The following AK5 variants were observed in gnomAD, a reference collection of about 807,000 sequenced individuals.
AK5 encodes adenylate kinase isoenzyme 5.
In AK5, 27 loss-of-function variants were observed where a neutral mutation model predicts 69.5. That is an observed-to-expected ratio of 0.39 (90% confidence interval 0.29 to 0.54). The LOEUF (loss-of-function observed/expected upper bound fraction) is 0.54. Among genes scored for constraint, AK5 ranks in the 20% least tolerant of loss-of-function variants. The probability of loss-of-function intolerance (pLI) is 0.71; values close to 1 mark genes in which losing one functional copy is unlikely to be tolerated. For synonymous variants in AK5, 260 were observed against 244.4 expected (o/e 1.06, Z -0.60); for missense variants, 531 against 700.4 (o/e 0.76, Z 2.73).
At chr1:77,359,910 G>A (rs1429270526) in intron 6 of AK5, among the ~76,000 whole-genome samples, 1 of 152,140 alleles carries the variant, frequency 6.6e-6, no homozygotes, top group Admixed American at 6.5e-5. Flanking sequence ...TCAGAGCCGG[G>A]AATTGAATTA....
At chr1:77,381,367 G>A (rs1570473599) in intron 6 of AK5, among the ~76,000 whole-genome samples, 1 of 152,090 alleles carries the variant, frequency 6.6e-6, no homozygotes, top group African/African-American at 2.4e-5. Flanking sequence ...TGTTTGTAAC[G>A]GACCTAATCT....
intron 8 of AK5, among the ~76,000 whole-genome samples, chr1:77,447,902 T>G (rs1570149768): frequency 6.6e-6 from 1 of 152,118 alleles, no homozygotes; most frequent in East Asian, 1.9e-4. Context: ...TATGCAAACT[T>G]AAATGTGGGT....
intron 10 of AK5, among the ~76,000 whole-genome samples, chr1:77,491,045 C>G (rs999304921): frequency 6.6e-6 from 1 of 152,092 alleles, no homozygotes; most frequent in Non-Finnish European, 1.5e-5. Context: ...GTCTGGGACA[C>G]ACGTGGCCTG....
chr1:77,482,508 C>T (rs944719759), intron 8 of AK5, among the ~76,000 whole-genome samples: 1 of 152,248 alleles, frequency 6.6e-6, no homozygotes, highest in East Asian at 1.9e-4. Context: ...CACGGTGGCT[C>T]ATGTCTGTAA....
At chr1:77,470,623 A>C (rs1654400595) in intron 8 of AK5, among the ~76,000 whole-genome samples, 1 of 151,952 alleles carries the variant, frequency 6.6e-6, no homozygotes, top group South Asian at 2.1e-4. Context: ...ATTTTATTTA[A>C]GTGTCTTTGT....
intron 6 of AK5, among the ~76,000 whole-genome samples, chr1:77,404,028 G>A (rs903801664): frequency 5.3e-5 from 8 of 152,248 alleles, no homozygotes; most frequent in Admixed American, 5.2e-4. Context: ...CTCGTAAGTT[G>A]GATTCCTAGG....
intron 10 of AK5, among the ~76,000 whole-genome samples, chr1:77,494,167 C>G (rs1204880533): frequency 6.6e-6 from 1 of 152,208 alleles, no homozygotes; most frequent in East Asian, 1.9e-4. Context: ...CATTGTGTCC[C>G]TACCCATTGG....
intron 5 of AK5, among the ~76,000 whole-genome samples, chr1:77,324,827 C>T (rs1660713727): frequency 6.6e-6 from 1 of 152,124 alleles, no homozygotes; most frequent in Non-Finnish European, 1.5e-5. Flanking sequence ...TTCATGTATT[C>T]TGCAGATCGT....
At chr1:77,475,994 T>G (rs568752878) in intron 8 of AK5, among the ~76,000 whole-genome samples, 1 of 152,294 alleles carries the variant, frequency 6.6e-6, no homozygotes, top group South Asian at 2.1e-4. Context: ...AATTTCTTAT[T>G]AGAGACACTA....
chr1:77,282,145 G>A lies in AK5; in HGVS notation c.-169G>A, dbSNP rs1658093714. ...CGGAGACCACAGCCCCCGGGGAGAG[G>A]CGGAGGGGGTCCCTGGCCTGGGCGG... On this transcript the variant is annotated 5_prime_UTR_variant, in exon 1 of 14. Transcript: ENST00000354567. The A allele has an allele frequency of 2.0e-6, 1 of 512,674 alleles. No individual in the cohort carries two copies. 31.8% of individuals were successfully genotyped at this position (512,674 alleles called of 1,614,324 possible).
chr1:77,548,038 T>C (rs1659625694), intron 13 of AK5, among the ~76,000 whole-genome samples: 3 of 152,024 alleles, frequency 2.0e-5, no homozygotes, highest in South Asian at 4.2e-4. Flanking sequence ...GAAAGGATGA[T>C]TTTTTTTCAT....
intron 6 of AK5, among the ~76,000 whole-genome samples, chr1:77,406,051 G>A (rs1213697390): frequency 6.6e-6 from 1 of 152,046 alleles, no homozygotes; most frequent in African/African-American, 2.4e-5. Flanking sequence ...AAAAGTTCAA[G>A]GAAAAATAGA....
chr1:77,323,499 GA>G (rs1424079094), intron 5 of AK5, among the ~76,000 whole-genome samples: 1 of 152,152 alleles, frequency 6.6e-6, no homozygotes, highest in Non-Finnish European at 1.5e-5. Flanking sequence ...CTTCTTGTCT[GA>G]AAAGTTTTAG....
chr1:77,294,219 G>A (rs202030679), intron 3 of AK5, among the ~76,000 whole-genome samples: 31 of 151,964 alleles, frequency 2.0e-4, no homozygotes, highest in African/African-American at 7.0e-4. Flanking sequence ...ATAATGAATC[G>A]AAAGTAATAC....
rs558272607 is a variant in AK5, at chr1:77,448,323, T to A, written c.1059+30608T>A. Among the ~76,000 whole-genome samples, 129 of 152,168 alleles carry A rather than the reference T, an allele frequency of 8.5e-4. 6 individuals are homozygous for A. In the South Asian group the frequency reaches 0.026, roughly 30 times the overall value. Reference sequence around the variant, plus strand: ...TGCCCTTCTTCCCCTCCAAAGCCCATAAAAATCTCAGACTCTGCCAAACTT... The same window carrying A: ...TGCCCTTCTTCCCCTCCAAAGCCCAAAAAAATCTCAGACTCTGCCAAACTT... On this transcript the variant is annotated intron_variant, in intron 8 of 13. Transcript: ENST00000354567.
At chr1:77,333,169 C>G (rs1661175824) in intron 5 of AK5, among the ~76,000 whole-genome samples, 1 of 152,040 alleles carries the variant, frequency 6.6e-6, no homozygotes, top group African/African-American at 2.4e-5. Flanking sequence ...CATCCTTTTA[C>G]CTTTAGCTTT....
intron 8 of AK5, among the ~76,000 whole-genome samples, chr1:77,437,014 C>T (rs1428678790): frequency 1.3e-5 from 2 of 152,112 alleles, no homozygotes; most frequent in East Asian, 3.9e-4. Context: ...AGTTCTATGA[C>T]ATTCATGTCA....
rs1478995235 is a variant in AK5, at chr1:77,559,926, TTGAAA to T, written c.*1259_*1263del. On this transcript the variant is annotated 3_prime_UTR_variant, in exon 14 of 14. Transcript: ENST00000354567. ...GTATTTTTTAAGTCATTTTTTTTTCTTGAAATGGATATGTACAAATAAAATAAATG... is the reference window on the plus strand; with the variant it reads ...GTATTTTTTAAGTCATTTTTTTTTCTTGGATATGTACAAATAAAATAAATG... 1 of 152,546 alleles carries T rather than the reference TTGAAA, an allele frequency of 6.6e-6. No homozygotes were observed. The allele number at this position is 152,546 out of a possible 1,614,324, so 9.4% of individuals were successfully genotyped here.
At chr1:77,340,340 T>A (rs1361883178) in intron 5 of AK5, 37 bp from the exon 6 acceptor site, 3 of 1,575,798 alleles carry the variant, frequency 1.9e-6, no homozygotes, top group Non-Finnish European at 1.7e-6. Flanking sequence ...TTAGTTGGTA[T>A]GTTGAATGCC....
Sources: gnomAD v4.1 joint callset for allele counts (sites outside exome capture counted in the v4.1 genomes callset) on GRCh38, gnomAD v4.1.1 for gene constraint, MANE v1.5 for transcripts, NCBI Gene and HGNC (gene_info 2026-07-23, HGNC 2026-07-21) for gene names.